Variants in DTX2 observed in about 807,000 individuals in gnomAD.
DTX2 encodes the protein probable E3 ubiquitin-protein ligase DTX2.
DTX2 carries 29 observed loss-of-function variants against 55.3 expected under a neutral mutation model. That is an observed-to-expected ratio of 0.52 (90% CI 0.39 to 0.71). The LOEUF (loss-of-function observed/expected upper bound fraction) is 0.71, where lower values mean the gene tolerates loss of function less well. DTX2 is among the 30% of genes least tolerant of loss of function. The pLI is 0.00. For missense variants in DTX2, 537 were observed against 822.5 expected (o/e 0.65, Z 4.25); for synonymous variants, 276 against 340.4 (o/e 0.81, Z 2.08).
In DTX2 at chr7:76,491,037, C is replaced by G. The variant is rs1222754541; in HGVS notation, c.909-1116C>G. On this transcript the variant is annotated intron_variant, in intron 4 of 10. Coordinates refer to ENST00000430490, the MANE Select transcript of DTX2 (RefSeq NM_001102594.3). ...TTTGAGACTGAGTTTCTCTCTGTTG[C>G]CCAGGCTGGAGTGCAGTGGTGCAAT... Among the ~76,000 whole-genome samples, 69 of 118,718 alleles carry G rather than the reference C, an allele frequency of 5.8e-4. 2 individuals carry two copies. The highest frequency in any genetic ancestry group is 2.3e-3 in the African/African-American group (64 of 27,734). The allele number at this position is 118,718 out of a possible 152,430, so 77.9% of individuals were successfully genotyped here. A position where few individuals can be genotyped will look rare whatever the true frequency, so the allele number is the denominator to read the frequency against.
rs1335569118 is a variant in DTX2, at chr7:76,503,597, C to A, written c.1551+10C>A. The A allele has an allele frequency of 1.2e-6, 2 of 1,604,982 alleles. No individual in the cohort carries two copies. Among genetic ancestry groups the A allele is most frequent in the East Asian group, 2.2e-5 (1 of 44,700 alleles). On this transcript the variant is annotated intron_variant, in intron 9 of 10. Transcript: ENST00000430490. The stretch of plus-strand genomic sequence containing the variant: ...TCCCCATGGTATCCAGGTGAGGGGC[C>A]TTCTTGAGTCCCCCACTCCTGGCCA...
In DTX2 at chr7:76,480,507, A is replaced by G; in HGVS notation, c.-3A>G. The G allele has an allele frequency of 6.3e-7, 1 of 1,580,210 alleles. No individual in the cohort carries two copies. The highest frequency in any genetic ancestry group is 8.6e-7 in the Non-Finnish European group (1 of 1,162,190). ...TGGGAAAGCAGCGGGACTCCTTGGG[A>G]AGATGGCCATGGCCCCAAGCCCTTC... On this transcript the variant is annotated 5_prime_UTR_variant, in exon 3 of 11. Coordinates refer to ENST00000430490, the MANE Select transcript of DTX2 (RefSeq NM_001102594.3).
In DTX2 at chr7:76,505,259, A is replaced by G; in HGVS notation, c.1642-115A>G. On this transcript the variant is annotated intron_variant, in intron 10 of 10. Transcript: ENST00000430490. This position sits in a 1 kb window ranked among gnomAD's most constrained non-coding sequence, Gnocchi z 4.4. ...TGGGGTGAGTGCCAGGGAGTGGATGAGTCACCTGGGAGGGGCTGGGATGGG... is the reference window on the plus strand; with the variant it reads ...TGGGGTGAGTGCCAGGGAGTGGATGGGTCACCTGGGAGGGGCTGGGATGGG... The G allele has an allele frequency of 1.2e-6, 1 of 851,166 alleles. No homozygotes were observed. Among genetic ancestry groups the G allele is most frequent in the Admixed American group, 2.2e-5 (1 of 46,176 alleles). The allele number at this position is 851,166 out of a possible 1,614,324, so 52.7% of individuals were successfully genotyped here.
chr7:76,498,366 G>A (rs1584234897), intron 6 of DTX2, among the ~76,000 whole-genome samples: 2 of 151,828 alleles, frequency 1.3e-5, no homozygotes, highest in East Asian at 4.0e-4. Flanking sequence ...CCCCAGCCCA[G>A]GGCTCTGCAC....
At chr7:76,485,903 C>T (rs2116432224) in intron 4 of DTX2, among the ~76,000 whole-genome samples, 1 of 55,102 alleles carries the variant, frequency 1.8e-5, no homozygotes, top group Middle Eastern at 4.8e-3. Context: ...CCCAGAAGTG[C>T]TGATGTGGGT....
At chr7:76,494,844 G>T (rs1810748371) in intron 5 of DTX2, among the ~76,000 whole-genome samples, 1 of 123,768 alleles carries the variant, frequency 8.1e-6, no homozygotes, top group Non-Finnish European at 1.7e-5. Flanking sequence ...AATGAGAGGA[G>T]CCTGGCCAGC....
chr7:76,482,910 A>G lies in DTX2; in HGVS notation c.671A>G (p.Tyr224Cys). 6.2e-7 allele frequency: 1 copy of G among 1,613,602 alleles called. No individual in the cohort carries two copies. Reference protein sequence around the residue: ...YRHSMTNLPAYPVPQHPPHRT... With the variant: ...YRHSMTNLPACPVPQHPPHRT... ...CACTCCATGACCAACCTCCCTGCAT[A>G]CCCCGTCCCCCAGCACCCCCCACAC... Residue 224 changes from tyrosine to cysteine, a missense_variant, in exon 4 of 11, where the codon TAC becomes TGC. This residue lies in a region of DTX2 where 301 missense variants were observed against 396.6 expected (regional missense o/e 0.76). Coordinates refer to ENST00000430490, the MANE Select transcript of DTX2 (RefSeq NM_001102594.3).
intron 2 of DTX2, among the ~76,000 whole-genome samples, chr7:76,476,664 G>A (rs373764063): frequency 1.3e-5 from 2 of 151,072 alleles, no homozygotes; most frequent in African/African-American, 2.4e-5. Flanking sequence ...AAGGATGGGC[G>A]TGTTTGCTTG....
chr7:76,490,544 A>G (rs1462566313), intron 4 of DTX2, among the ~76,000 whole-genome samples: 2 of 123,158 alleles, frequency 1.6e-5, no homozygotes, highest in Non-Finnish European at 3.5e-5. Flanking sequence ...GTTACTTTCA[A>G]AGAGGTGCTT....
chr7:76,498,928 G>GAT (rs1811287876), intron 6 of DTX2, among the ~76,000 whole-genome samples: 1 of 62,938 alleles, frequency 1.6e-5, no homozygotes, highest in Non-Finnish European at 3.0e-5. Flanking sequence ...TGTGTGTGGA[G>GAT]GTGTGGGGTG....
intron 1 of DTX2, among the ~76,000 whole-genome samples, chr7:76,463,084 CAAACTAAA>C (rs1417767245): frequency 8.5e-6 from 1 of 117,946 alleles, no homozygotes; most frequent in African/African-American, 3.8e-5. Flanking sequence ...AAAAAACAAA[CAAACTAAA>C]AAAACGAACT....
intron 2 of DTX2, among the ~76,000 whole-genome samples, chr7:76,479,923 C>A (rs1276549491): frequency 6.6e-6 from 1 of 150,490 alleles, no homozygotes; most frequent in Non-Finnish European, 1.5e-5. Context: ...ACGTAGGCTG[C>A]GGGATTGACT....
chr7:76,474,199 C>A (rs986236541), intron 2 of DTX2, among the ~76,000 whole-genome samples: 1 of 122,632 alleles, frequency 8.2e-6, no homozygotes, highest in Non-Finnish European at 1.7e-5. Flanking sequence ...TTTTCTTTTT[C>A]TTTTTCTTTT....
chr7:76,502,492 C>G, intron 8 of DTX2, 36 bp downstream of exon 8: 2 of 1,602,872 alleles, frequency 1.2e-6, no homozygotes, highest in Non-Finnish European at 1.7e-6. Flanking sequence ...GCGGGTGGCC[C>G]GCCCCCACAG....
In DTX2 at chr7:76,483,003, C is replaced by G. The variant is rs1004448935; in HGVS notation, c.764C>G (p.Ala255Gly). ...APYNKPSLSGARSAPRLNTTN... is the reference protein window; with the variant it reads ...APYNKPSLSGGRSAPRLNTTN... The stretch of plus-strand genomic sequence containing the variant: ...TACAACAAACCCTCACTCTCCGGGG[C>G]CCGGTCTGCGCCCAGGCTGAACACC... The change falls in exon 4 of 11, where the codon GCC becomes GGC. Residue 255 changes from alanine to glycine, a missense_variant. Physicochemically the swap from Ala to Gly is moderately conservative, Grantham distance 60. Coordinates refer to ENST00000430490, the MANE Select transcript of DTX2 (RefSeq NM_001102594.3). 1.2e-6 allele frequency: 2 copies of G among 1,613,386 alleles called. No individual in the cohort carries two copies. The highest frequency in any genetic ancestry group is 2.7e-5 in the African/African-American group (2 of 74,928).
chr7:76,503,626 C>G (rs548913215), intron 9 of DTX2, 39 bp downstream of exon 9: 1 of 1,568,042 alleles, frequency 6.4e-7, no homozygotes, highest in African/African-American at 1.3e-5. Context: ...CTGGCCACTC[C>G]TCTTCCCACC....
At chr7:76,501,381 C>A in intron 7 of DTX2, 1 of 431,474 alleles carries the variant, frequency 2.3e-6, no homozygotes, top group Non-Finnish European at 4.6e-6. Context: ...GCCTGCCCAG[C>A]GCTCAGCTCT....
rs1436770370 is a variant in DTX2, at chr7:76,505,338, C to G, written c.1642-36C>G. 6.6e-7 allele frequency: 1 copy of G among 1,524,170 alleles called. No homozygotes were observed. Among genetic ancestry groups the G allele is most frequent in the Admixed American group, 2.0e-5 (1 of 51,012 alleles). 94.4% of individuals were successfully genotyped at this position (1,524,170 alleles called of 1,614,324 possible). A position where few individuals can be genotyped will look rare whatever the true frequency, so the allele number is the denominator to read the frequency against. On this transcript the variant is annotated intron_variant, in intron 10 of 10. Transcript: ENST00000430490. The surrounding 1 kb of genome is among the most constrained non-coding windows in gnomAD (Gnocchi z 4.4). ...CACTGAGCCCCTCTCACTCTCCGTC[C>G]CCTCCTTCCTCTTCCCCCTCCTCCT... is the stretch of plus-strand genomic sequence containing the variant.
At chr7:76,466,862 T>C (rs2116127259) in intron 2 of DTX2, among the ~76,000 whole-genome samples, 1 of 152,162 alleles carries the variant, frequency 6.6e-6, no homozygotes, top group East Asian at 1.9e-4. Context: ...CCTCCCAAAG[T>C]GCTGGGATTA....
Sources: gnomAD v4.1 joint callset for allele counts (sites outside exome capture counted in the v4.1 genomes callset) on GRCh38, gnomAD v4.1.1 for gene constraint, gnomAD v4.1.1 regional missense constraint, Gnocchi (gnomAD v3.1) non-coding constraint, MANE v1.5 for transcripts, NCBI Gene and HGNC (gene_info 2026-07-23, HGNC 2026-07-21) for gene names.